NRG2: variants seen among roughly 807,000 people sequenced by gnomAD.
The protein encoded by NRG2 is pro-neuregulin-2, membrane-bound isoform.
NRG2 carries 27 observed loss-of-function variants against 73.9 expected under a neutral mutation model. The ratio of observed to expected loss-of-function variants is 0.37; its 90% CI spans 0.27 to 0.50. The LOEUF (loss-of-function observed/expected upper bound fraction) is 0.50, where lower values mean the gene tolerates loss of function less well. Among genes scored for constraint, NRG2 ranks in the 20% least tolerant of loss-of-function variants. The pLI, the probability that NRG2 is intolerant of heterozygous loss-of-function variation, is 0.96. For synonymous variants in NRG2, 532 were observed against 541.0 expected (o/e 0.98, Z 0.23); for missense variants, 1,126 against 1,210.1 (o/e 0.93, Z 1.03).
At chr5:139,994,677 G>A (rs1227383462) in intron 1 of NRG2, among the ~76,000 whole-genome samples, 1 of 151,994 alleles carries the variant, frequency 6.6e-6, no homozygotes, top group Non-Finnish European at 1.5e-5. Context: ...CAAATGAAGT[G>A]GTATAGACTT....
chr5:140,021,071 T>C (rs1760184585), intron 1 of NRG2, among the ~76,000 whole-genome samples: 1 of 152,214 alleles, frequency 6.6e-6, no homozygotes, highest in Non-Finnish European at 1.5e-5. Flanking sequence ...TGGTTCACAG[T>C]TGTAATAATA....
chr5:139,902,520 C>G (rs1764952385), intron 1 of NRG2, among the ~76,000 whole-genome samples: 1 of 152,188 alleles, frequency 6.6e-6, no homozygotes, highest in Non-Finnish European at 1.5e-5. Flanking sequence ...CACCCCACAT[C>G]TAAGCTAAAG....
rs772363942 is a variant in NRG2 at position 139,887,934 on chromosome 5, T to C, written c.701-423A>G. ...CATCAGTGCTCAGGATCTAAAATCA[T>C]GGGTAACAAGCCATGGGGCTGTACT... On this transcript the variant is annotated intron_variant, in intron 1 of 9. Coordinates refer to ENST00000361474, the MANE Select transcript of NRG2 (RefSeq NM_004883.3). The surrounding 1 kb of genome is among the most constrained non-coding windows in gnomAD (Gnocchi z 4.5). Among the ~76,000 whole-genome samples the C allele has an allele frequency of 1.3e-5, 2 of 152,134 alleles. No individual in the cohort carries two copies. The highest frequency in any genetic ancestry group is 2.9e-5 in the Non-Finnish European group (2 of 68,014).
At chr5:139,920,785 A>T (rs1335999921) in intron 1 of NRG2, among the ~76,000 whole-genome samples, 1 of 152,200 alleles carries the variant, frequency 6.6e-6, no homozygotes, top group East Asian at 1.9e-4. Flanking sequence ...AAAACAAATC[A>T]CAGCATATAG....
At chr5:140,010,193 G>A (rs1759249966) in intron 1 of NRG2, among the ~76,000 whole-genome samples, 1 of 152,134 alleles carries the variant, frequency 6.6e-6, no homozygotes, top group Non-Finnish European at 1.5e-5. Flanking sequence ...AGCTACTTGG[G>A]AAACTGAGAC....
At position 139,865,242 on chromosome 5, in the gene NRG2, C is replaced by A; in HGVS notation, c.1189+307G>T. 3.0e-6 allele frequency: 4 copies of A among 1,322,498 alleles called. No homozygotes were observed. In the South Asian group the frequency reaches 4.8e-5, roughly 16 times the overall value. The allele number at this position is 1,322,498 out of a possible 1,614,324, so 81.9% of individuals were successfully genotyped here. On this transcript the variant is annotated intron_variant, in intron 5 of 9. Transcript: ENST00000361474. The surrounding 1 kb of genome is among the most constrained non-coding windows in gnomAD (Gnocchi z 5.2). ...AGACACAGGCATTGCAACACCCCGG[C>A]ACGGGCTCCTGCCAATGCCAGCTGG...
intron 2 of NRG2, among the ~76,000 whole-genome samples, chr5:139,886,549 A>C (rs1449307401): frequency 2.0e-5 from 3 of 152,222 alleles, no homozygotes; most frequent in Non-Finnish European, 4.4e-5. Flanking sequence ...GAAGGCCACT[A>C]GGTCCCCGGA....
chr5:139,894,217 C>G lies in NRG2; in HGVS notation c.701-6706G>C, dbSNP rs1055827872. On this transcript the variant is annotated intron_variant, in intron 1 of 9. Coordinates refer to ENST00000361474, the MANE Select transcript of NRG2 (RefSeq NM_004883.3). This position sits in a 1 kb window ranked among gnomAD's most constrained non-coding sequence, Gnocchi z 5.0. ...GCTCTGCCTCCCTCCCGGCACCCAG[C>G]GGGCAGGGGCAGCAGGCTCTTAAAA... Among the ~76,000 whole-genome samples the G allele has an allele frequency of 1.6e-4, 24 of 152,180 alleles. No homozygotes were observed. The highest frequency in any genetic ancestry group is 5.5e-4 in the African/African-American group (23 of 41,448).
intron 1 of NRG2, among the ~76,000 whole-genome samples, chr5:139,899,773 A>G (rs1214761710): frequency 6.6e-6 from 1 of 152,160 alleles, no homozygotes; most frequent in Non-Finnish European, 1.5e-5. Flanking sequence ...AAGTGGACCA[A>G]CAGAGATCCT....
Position 139,954,211 on chromosome 5 carries a change from A to G in NRG2, c.701-66700T>C, listed in dbSNP as rs999382607. 1.3e-5 allele frequency among the ~76,000 whole-genome samples: 2 copies of G among 152,114 alleles called. No individual in the cohort carries two copies. Among genetic ancestry groups the G allele is most frequent in the African/African-American group, 4.8e-5 (2 of 41,412 alleles). On this transcript the variant is annotated intron_variant, in intron 1 of 9. Transcript: ENST00000361474. This position sits in a 1 kb window ranked among gnomAD's most constrained non-coding sequence, Gnocchi z 5.0. ...TAGCAAAAGTGACCGTGGAGGAGAAATCCAGCCCAACCCAGGTCACGGTCA... is the reference window on the plus strand; with the variant it reads ...TAGCAAAAGTGACCGTGGAGGAGAAGTCCAGCCCAACCCAGGTCACGGTCA...
intron 1 of NRG2, among the ~76,000 whole-genome samples, chr5:139,972,939 T>C (rs531725472): frequency 1.7e-4 from 26 of 152,074 alleles, no homozygotes; most frequent in Middle Eastern, 6.8e-3. Context: ...ATAATCAAAG[T>C]AAATTAAAAT....
At chr5:139,970,840 T>G (rs1306841732) in intron 1 of NRG2, among the ~76,000 whole-genome samples, 2 of 152,218 alleles carry the variant, frequency 1.3e-5, no homozygotes, top group Non-Finnish European at 2.9e-5. Context: ...CAAAGTAGAA[T>G]GTGTAAAACC....
chr5:139,859,426 G>A (rs1762000994), intron 5 of NRG2, among the ~76,000 whole-genome samples: 1 of 152,218 alleles, frequency 6.6e-6, no homozygotes, highest in South Asian at 2.1e-4. Context: ...ACATGGAAAT[G>A]GGGAATGGAA....
At chr5:139,867,762 CTGTGTGTGTGTGTGTGTGTGTG>C (rs367771225) in intron 4 of NRG2, among the ~76,000 whole-genome samples, 6 of 128,874 alleles carry the variant, frequency 4.7e-5, no homozygotes, top group African/African-American at 1.8e-4. Flanking sequence ...GAAGGGAAAC[CTGTGTGTGTGTGTGTGTGTGTG>C]TGTGTGTGTG....
intron 1 of NRG2, among the ~76,000 whole-genome samples, chr5:139,966,658 TA>T (rs1561715152): frequency 6.6e-6 from 1 of 151,822 alleles, no homozygotes; most frequent in Admixed American, 6.6e-5. Context: ...ATATGCGACT[TA>T]AAAAAGGAGA....
intron 1 of NRG2, among the ~76,000 whole-genome samples, chr5:139,971,010 G>A (rs1239340798): frequency 6.6e-6 from 1 of 151,946 alleles, no homozygotes; most frequent in Non-Finnish European, 1.5e-5. Flanking sequence ...TTCTTAGAAG[G>A]GAACACAGTG....
rs768692615 is a variant in NRG2 at position 139,887,345 on chromosome 5, G to A, written c.867C>T (p.Asn289=). The change falls in exon 2 of 10, where the codon AAC becomes AAT. Residue 289 remains asparagine (N), a synonymous_variant. Coordinates refer to ENST00000361474, the MANE Select transcript of NRG2 (RefSeq NM_004883.3). The surrounding 1 kb of genome is among the most constrained non-coding windows in gnomAD (Gnocchi z 4.5). ...RSRDIRIKYG[N]GRKNSRLQFN... is the part of the protein sequence containing the mutation. ...ACAGGCTGGATATTGCTTACCTGCC[G>A]TTGCCATATTTGATGCGAATGTCTC... 1.3e-4 allele frequency: 210 copies of A among 1,614,168 alleles called. No homozygotes were observed. The highest frequency in any genetic ancestry group is 9.9e-4 in the Middle Eastern group (6 of 6,062).
At chr5:139,911,558 G>A (rs1750821879) in intron 1 of NRG2, among the ~76,000 whole-genome samples, 1 of 152,196 alleles carries the variant, frequency 6.6e-6, no homozygotes, top group South Asian at 2.1e-4. Context: ...TCAGGAGCTG[G>A]CAGAAAGCCT....
intron 1 of NRG2, among the ~76,000 whole-genome samples, chr5:139,897,913 A>C (rs1764645386): frequency 6.6e-6 from 1 of 152,232 alleles, no homozygotes; most frequent in Non-Finnish European, 1.5e-5. Context: ...CAGCCTGGGC[A>C]GGAAGCTCAA....
Sources: gnomAD v4.1 joint callset for allele counts (sites outside exome capture counted in the v4.1 genomes callset) on GRCh38, gnomAD v4.1.1 for gene constraint, Gnocchi (gnomAD v3.1) non-coding constraint, MANE v1.5 for transcripts, NCBI Gene and HGNC (gene_info 2026-07-23, HGNC 2026-07-21) for gene names.